PCDH1: variants seen among roughly 807,000 people sequenced by gnomAD.
PCDH1 encodes the protein protocadherin 1.
Under a neutral mutation model 74.6 loss-of-function variants are expected in PCDH1, and 23 were observed. The observed-to-expected ratio is 0.31, with a 90% CI of 0.22 to 0.44. PCDH1 has a LOEUF of 0.44. Among genes scored for constraint, PCDH1 ranks in the 20% least tolerant of loss-of-function variants. PCDH1 has a pLI of 1.00. For synonymous variants in PCDH1, 647 were observed against 686.1 expected (o/e 0.94, Z 0.89); for missense variants, 1,214 against 1,641.4 (o/e 0.74, Z 4.50).
At position 141,869,107 on chromosome 5, in the gene PCDH1, T is replaced by C; in HGVS notation, c.365A>G (p.Glu122Gly). 4 of 1,613,042 alleles carry C rather than the reference T, an allele frequency of 2.5e-6. No homozygotes were observed. The highest frequency in any genetic ancestry group is 3.4e-6 in the Non-Finnish European group (4 of 1,179,840). The change falls in exon 2 of 5, where the codon GAA becomes GGA. Residue 122 changes from glutamate (E) to glycine (G), a missense_variant. Around this residue, in one of 4 missense-constraint regions of PCDH1, gnomAD observed 97 missense variants for 173.2 expected, o/e 0.56. Transcript: ENST00000287008. This position sits in a 1 kb window ranked among gnomAD's most constrained non-coding sequence, Gnocchi z 4.9. ...ATCACCAGGGAGCTGGTTCTGGCATTCACGGAGCCCCTCACGGTCGATGGA... is the reference window on the plus strand; with the variant it reads ...ATCACCAGGGAGCTGGTTCTGGCATCCACGGAGCCCCTCACGGTCGATGGA... ...ETSIDREGLR[E>G]CQNQLPGDPC...
rs1443409732 is a variant in PCDH1, at chr5:141,878,020, C to T, written c.40+203G>A. ...CACCCCCTCCCCTCCCTCGGCTTCTCGCCGCGGACCTGGGAGGACGGAATC... is the reference window on the plus strand; with the variant it reads ...CACCCCCTCCCCTCCCTCGGCTTCTTGCCGCGGACCTGGGAGGACGGAATC... On this transcript the variant is annotated intron_variant, in intron 1 of 4. Transcript: ENST00000287008. The surrounding 1 kb of genome is among the most constrained non-coding windows in gnomAD (Gnocchi z 5.5). 6.6e-6 allele frequency among the ~76,000 whole-genome samples: 1 copy of T among 152,076 alleles called. No individual in the cohort carries two copies.
At chr5:141,854,956 G>A (rs2126801700) in intron 4 of PCDH1, among the ~76,000 whole-genome samples, 1 of 144,994 alleles carries the variant, frequency 6.9e-6, no homozygotes, top group East Asian at 2.1e-4. Context: ...ACAAGCATGA[G>A]CCACCGCACC....
intron 4 of PCDH1, among the ~76,000 whole-genome samples, chr5:141,855,737 C>T (rs148996752): frequency 1.3e-5 from 2 of 152,184 alleles, no homozygotes; most frequent in African/African-American, 4.8e-5. Context: ...CAGCCCCTCC[C>T]CACCTCACTC....
chr5:141,858,498 G>A (rs1752445705), intron 3 of PCDH1, among the ~76,000 whole-genome samples: 1 of 152,182 alleles, frequency 6.6e-6, no homozygotes, highest in Non-Finnish European at 1.5e-5. Flanking sequence ...CAGACTTGGA[G>A]GCTTGGACTG....
intron 1 of PCDH1, among the ~76,000 whole-genome samples, chr5:141,871,965 G>A (rs1305644587): frequency 6.6e-6 from 1 of 152,178 alleles, no homozygotes; most frequent in Non-Finnish European, 1.5e-5. Flanking sequence ...TTCACTGAAT[G>A]CACAGAGTCT....
At chr5:141,862,809 C>G (rs1004466767) in intron 3 of PCDH1, 4 of 1,052,628 alleles carry the variant, frequency 3.8e-6, no homozygotes, top group Non-Finnish European at 4.6e-6. Context: ...TCCACAGGAC[C>G]CCAGGTCTCC....
At chr5:141,873,391 G>A (rs1185447673) in intron 1 of PCDH1, among the ~76,000 whole-genome samples, 2 of 150,200 alleles carry the variant, frequency 1.3e-5, no homozygotes, top group Non-Finnish European at 3.0e-5. Flanking sequence ...GCCCGCCTCG[G>A]CCTCCCAAAG....
In PCDH1 at chr5:141,864,662, T is replaced by C; in HGVS notation, c.1669A>G (p.Ile557Val). Reference protein sequence around the residue: ...PEPAAKGLFTISPETGEIQVK... With the variant: ...PEPAAKGLFTVSPETGEIQVK... ...TGGATCTCTCCAGTCTCGGGTGAGA[T>C]GGTGAAGAGGCCCTTAGCAGCCGGC... Residue 557 changes from isoleucine (I) to valine (V), a missense_variant, in exon 3 of 5, where the codon ATC becomes GTC. Transcript: ENST00000287008. This position sits in a 1 kb window ranked among gnomAD's most constrained non-coding sequence, Gnocchi z 5.9. 6.2e-7 allele frequency: 1 copy of C among 1,613,952 alleles called. No individual in the cohort carries two copies. The highest frequency in any genetic ancestry group is 8.5e-7 in the Non-Finnish European group (1 of 1,180,034).
rs1752947445 is a variant in PCDH1 at position 141,868,388 on chromosome 5, AG to A, written c.903+180del. ...TCACCTAAGTAGCCTGATAGAGGAA[AG>A]TAATATCACCTGCTGGGGTGGGGTG... On this transcript the variant is annotated intron_variant, in intron 2 of 4. Transcript: ENST00000287008. This position sits in a 1 kb window ranked among gnomAD's most constrained non-coding sequence, Gnocchi z 4.8. The A allele has an allele frequency of 7.3e-7, 1 of 1,371,860 alleles. No individual in the cohort carries two copies. Among genetic ancestry groups the A allele is most frequent in the African/African-American group, 1.5e-5 (1 of 68,636 alleles). The allele number at this position is 1,371,860 out of a possible 1,614,324, so 85.0% of individuals were successfully genotyped here.
chr5:141,859,184 G>T (rs1752476203), intron 3 of PCDH1, among the ~76,000 whole-genome samples: 2 of 152,096 alleles, frequency 1.3e-5, no homozygotes, highest in Admixed American at 1.3e-4. Flanking sequence ...TCCAGGAGGG[G>T]TCTGGGAGGC....
chr5:141,859,157 T>C (rs1028875910), intron 3 of PCDH1, among the ~76,000 whole-genome samples: 3 of 152,010 alleles, frequency 2.0e-5, no homozygotes, highest in African/African-American at 7.3e-5. Flanking sequence ...GTCCACCTGG[T>C]GTAGGGGTGA....
At chr5:141,858,239 G>GA (rs1752436452) in intron 3 of PCDH1, among the ~76,000 whole-genome samples, 1 of 151,968 alleles carries the variant, frequency 6.6e-6, no homozygotes, top group Non-Finnish European at 1.5e-5. Context: ...CCTGGGAGTG[G>GA]AAAAAAAGGG....
rs893409575 is a variant in PCDH1, at chr5:141,868,017, A to T, written c.903+552T>A. On this transcript the variant is annotated intron_variant, in intron 2 of 4. Coordinates refer to ENST00000287008, the MANE Select transcript of PCDH1 (RefSeq NM_032420.5). This position sits in a 1 kb window ranked among gnomAD's most constrained non-coding sequence, Gnocchi z 4.8. ...ATGGGCACCCCATGCCTAGGGGAGG[A>T]GGCATGTATACAGACACCCTAGTAT... Among the ~76,000 whole-genome samples, 2 of 152,198 alleles carry T rather than the reference A, an allele frequency of 1.3e-5. No individual in the cohort carries two copies. The highest frequency in any genetic ancestry group is 4.8e-5 in the African/African-American group (2 of 41,450).
At position 141,853,137 on chromosome 5, in the gene PCDH1, C is replaced by T. The variant is rs1202452001; in HGVS notation, c.*905G>A. 1 of 152,208 alleles carries T rather than the reference C, an allele frequency of 6.6e-6. No individual in the cohort carries two copies. Among genetic ancestry groups the T allele is most frequent in the East Asian group, 1.9e-4 (1 of 5,194 alleles). 9.4% of individuals were successfully genotyped at this position (152,208 alleles called of 1,614,324 possible). A position where few individuals can be genotyped will look rare whatever the true frequency, so the allele number is the denominator to read the frequency against. On this transcript the variant is annotated 3_prime_UTR_variant, in exon 5 of 5. Transcript: ENST00000287008. ...ATTTTTAAGAAAAATTAAATAAAAGCCCAGCTCTGCTGATAGGCAAATGTT... is the reference window on the plus strand; with the variant it reads ...ATTTTTAAGAAAAATTAAATAAAAGTCCAGCTCTGCTGATAGGCAAATGTT...
intron 4 of PCDH1, 37 bp downstream of exon 4, chr5:141,857,215 A>C: frequency 6.7e-7 from 1 of 1,489,628 alleles, no homozygotes; most frequent in South Asian, 1.3e-5. Context: ...GCTTCCACTC[A>C]TTCCTGGGGT....
chr5:141,874,106 C>T (rs1451491929), intron 1 of PCDH1, among the ~76,000 whole-genome samples: 1 of 152,174 alleles, frequency 6.6e-6, no homozygotes, highest in Non-Finnish European at 1.5e-5. Context: ...CCCACCATTC[C>T]TGGACTGCCA....
Position 141,863,558 on chromosome 5 carries a change from C to T in PCDH1, c.2773G>A (p.Val925Met). The change falls in exon 3 of 5, where the codon GTG becomes ATG. Residue 925 changes from valine (V) to methionine (M), a missense_variant. Coordinates refer to ENST00000287008, the MANE Select transcript of PCDH1 (RefSeq NM_032420.5). The surrounding 1 kb of genome is among the most constrained non-coding windows in gnomAD (Gnocchi z 7.5). ...AGCCCGGCCTCATCCTCGTCCTCCA[C>T]TGGCTTCACGGGCTTTGGGGACTTG... ...KSKSPKPVKP[V>M]EDEDEAGLQK... 2 of 1,614,186 alleles carry T rather than the reference C, an allele frequency of 1.2e-6. No homozygotes were observed. Among genetic ancestry groups the T allele is most frequent in the Non-Finnish European group, 1.7e-6 (2 of 1,180,008 alleles).
Position 141,863,658 on chromosome 5 carries a change from C to T in PCDH1, c.2673G>A (p.Lys891=). 1 of 1,614,186 alleles carries T rather than the reference C, an allele frequency of 6.2e-7. No homozygotes were observed. The highest frequency in any genetic ancestry group is 8.5e-7 in the Non-Finnish European group (1 of 1,180,008). ...TGGGGGCATACAGGTCCTTGGTCTC[C>T]TTCTTACCAGCCTGGTAACCACTTT... ...EAKSGYQAGK[K]ETKDLYAPKP... Residue 891 remains lysine, a synonymous_variant, in exon 3 of 5, where the codon AAG becomes AAA. Transcript: ENST00000287008. The surrounding 1 kb of genome is among the most constrained non-coding windows in gnomAD (Gnocchi z 7.5).
chr5:141,869,701 C>T lies in PCDH1; in HGVS notation c.41-270G>A, dbSNP rs1347747422. On this transcript the variant is annotated intron_variant, in intron 1 of 4. Transcript: ENST00000287008. This position sits in a 1 kb window ranked among gnomAD's most constrained non-coding sequence, Gnocchi z 4.9. The stretch of plus-strand genomic sequence containing the variant: ...AGCTCCCGCCCATGGAACACCCTCA[C>T]CCACCTGACGCTCCCTGGGCCCAAG... The T allele has an allele frequency of 2.0e-6, 3 of 1,502,942 alleles. No individual in the cohort carries two copies. The highest frequency in any genetic ancestry group is 2.0e-5 in the Admixed American group (1 of 48,988). The allele number at this position is 1,502,942 out of a possible 1,614,324, so 93.1% of individuals were successfully genotyped here. A position where few individuals can be genotyped will look rare whatever the true frequency, so the allele number is the denominator to read the frequency against.
Sources: gnomAD v4.1 joint callset for allele counts (sites outside exome capture counted in the v4.1 genomes callset) on GRCh38, gnomAD v4.1.1 for gene constraint, gnomAD v4.1.1 regional missense constraint, Gnocchi (gnomAD v3.1) non-coding constraint, MANE v1.5 for transcripts, NCBI Gene and HGNC (gene_info 2026-07-23, HGNC 2026-07-21) for gene names.